The following ROBO1 variants were observed in gnomAD, a reference collection of about 807,000 sequenced individuals.
ROBO1 encodes roundabout homolog 1.
A neutral mutation model predicts 195.9 loss-of-function variants in ROBO1; 149 were observed. The observed-to-expected ratio is 0.76, with a 90% CI of 0.67 to 0.87. The LOEUF is 0.87. Ranked by LOEUF, ROBO1 falls within the 40% of genes least tolerant of loss-of-function variation. The pLI, the probability that ROBO1 is intolerant of heterozygous loss-of-function variation, is 0.00. For missense variants in ROBO1, 1,933 were observed against 2,068.3 expected (o/e 0.93, Z 1.27); for synonymous variants, 816 against 733.2 (o/e 1.11, Z -1.82).
chr3:78,655,927 T>C (rs1294549603), intron 18 of ROBO1, among the ~76,000 whole-genome samples: 1 of 152,232 alleles, frequency 6.6e-6, no homozygotes, highest in Non-Finnish European at 1.5e-5. Flanking sequence ...TATATGCTTC[T>C]TGGCATCATT....
In ROBO1 at chr3:79,466,223, G is replaced by T. The variant is rs540913499; in HGVS notation, c.88+123601C>A. 2.3e-3 allele frequency among the ~76,000 whole-genome samples: 343 copies of T among 152,136 alleles called. 2 individuals carry two copies. Among genetic ancestry groups the T allele is most frequent in the African/African-American group, 7.7e-3 (321 of 41,520 alleles). On this transcript the variant is annotated intron_variant, in intron 2 of 30. Coordinates refer to ENST00000464233, the MANE Select transcript of ROBO1 (RefSeq NM_002941.4). ...TGAAAGAATACAGACTATAATTAGTGACATTTAAAATAATGTATGGCTTCC... is the reference window on the plus strand; with the variant it reads ...TGAAAGAATACAGACTATAATTAGTTACATTTAAAATAATGTATGGCTTCC...
At chr3:79,584,610 AGTGT>A (rs143360306) in intron 2 of ROBO1, among the ~76,000 whole-genome samples, 1,365 of 131,704 alleles carry the variant, frequency 0.01, 17 homozygotes, top group African/African-American at 0.025. Flanking sequence ...TAGGTGGGTG[AGTGT>A]GTGTGTGTGT....
chr3:79,197,952 G>A (rs1576802865), intron 2 of ROBO1, among the ~76,000 whole-genome samples: 1 of 151,380 alleles, frequency 6.6e-6, no homozygotes, highest in East Asian at 1.9e-4. Flanking sequence ...TTGTCAGATG[G>A]GTAGATTGCA....
chr3:79,619,285 C>A (rs1560043672), intron 1 of ROBO1, among the ~76,000 whole-genome samples: 1 of 152,156 alleles, frequency 6.6e-6, no homozygotes, highest in Non-Finnish European at 1.5e-5. Context: ...GTGTCTCTAC[C>A]TTTCTGTTTA....
chr3:79,747,054 T>C (rs1242305699), intron 1 of ROBO1, among the ~76,000 whole-genome samples: 1 of 152,070 alleles, frequency 6.6e-6, no homozygotes, highest in Non-Finnish European at 1.5e-5. Flanking sequence ...TTCCAGCCCA[T>C]AAATCATCCA....
At chr3:79,190,781 T>A (rs1271883428) in intron 2 of ROBO1, among the ~76,000 whole-genome samples, 1 of 151,634 alleles carries the variant, frequency 6.6e-6, no homozygotes, top group African/African-American at 2.4e-5. Flanking sequence ...TAAAAAAATG[T>A]TTGTTCCACA....
At chr3:79,492,667 C>G (rs1198390676) in intron 2 of ROBO1, among the ~76,000 whole-genome samples, 1 of 151,938 alleles carries the variant, frequency 6.6e-6, no homozygotes, top group Non-Finnish European at 1.5e-5. Flanking sequence ...ATAAATTAAG[C>G]TAGATCCTAT....
At chr3:78,939,567 G>T (rs561986681) in intron 3 of ROBO1, among the ~76,000 whole-genome samples, 25 of 150,610 alleles carry the variant, frequency 1.7e-4, no homozygotes, top group Admixed American at 9.9e-4. Flanking sequence ...GCAGTGAGCC[G>T]AGATCGCGCC....
At chr3:79,127,461 T>A (rs2080237759) in intron 2 of ROBO1, among the ~76,000 whole-genome samples, 2 of 152,210 alleles carry the variant, frequency 1.3e-5, no homozygotes, top group Non-Finnish European at 2.9e-5. Context: ...TATGAATTAT[T>A]TTTTAGTAAC....
intron 8 of ROBO1, among the ~76,000 whole-genome samples, chr3:78,708,279 A>G (rs1315342901): frequency 6.6e-6 from 1 of 152,190 alleles, no homozygotes; most frequent in Non-Finnish European, 1.5e-5. Flanking sequence ...CGTTTGGAAG[A>G]GCACTCCTCA....
intron 1 of ROBO1, among the ~76,000 whole-genome samples, chr3:79,764,669 T>C (rs1293985626): frequency 6.6e-6 from 1 of 152,228 alleles, no homozygotes; most frequent in African/African-American, 2.4e-5. Flanking sequence ...GTATTAAGTA[T>C]AGATGAAGGC....
intron 8 of ROBO1, among the ~76,000 whole-genome samples, chr3:78,698,359 T>C (rs191526839): frequency 2.0e-5 from 3 of 152,310 alleles, no homozygotes; most frequent in African/African-American, 7.2e-5. Flanking sequence ...ATGATTTCTT[T>C]TGGGGGAAAA....
In ROBO1 at chr3:78,931,244, T is replaced by C. The variant is rs866576041; in HGVS notation, c.499+7357A>G. ...TTTTCTTTTCTTTCTTTCTTTTTTT[T>C]TTTTTTTTTTTTTTTGAGACAGTTT... On this transcript the variant is annotated intron_variant, in intron 4 of 30. Coordinates refer to ENST00000464233, the MANE Select transcript of ROBO1 (RefSeq NM_002941.4). Among the ~76,000 whole-genome samples the C allele has an allele frequency of 8.5e-3, 1,202 of 140,846 alleles. 12 individuals carry two copies. The highest frequency in any genetic ancestry group is 0.043 in the Middle Eastern group (12 of 276). The allele number at this position is 140,846 out of a possible 152,430, so 92.4% of individuals were successfully genotyped here.
intron 1 of ROBO1, among the ~76,000 whole-genome samples, chr3:79,745,170 T>C (rs1361883025): frequency 6.6e-6 from 1 of 152,156 alleles, no homozygotes; most frequent in Non-Finnish European, 1.5e-5. Context: ...GAAGTTCTTA[T>C]CACCACATTG....
intron 2 of ROBO1, among the ~76,000 whole-genome samples, chr3:79,547,054 G>C (rs1330868120): frequency 6.6e-6 from 1 of 151,628 alleles, no homozygotes; most frequent in African/African-American, 2.4e-5. Flanking sequence ...GCGTGGTGGC[G>C]GGTGCCTCTA....
rs1016715973 is a variant in ROBO1 at position 79,545,950 on chromosome 3, G to A, written c.88+43874C>T. On this transcript the variant is annotated intron_variant, in intron 2 of 30. Coordinates refer to ENST00000464233, the MANE Select transcript of ROBO1 (RefSeq NM_002941.4). ...AATTGCATGGGTCCACTTATTCACA[G>A]AGTTTCTTCCACCTTTGCCATCCTT... Among the ~76,000 whole-genome samples, 28 of 152,196 alleles carry A rather than the reference G, an allele frequency of 1.8e-4. 1 individual carries two copies. The East Asian group carries it at 3.9e-3, about 21-fold the overall frequency.
intron 4 of ROBO1, among the ~76,000 whole-genome samples, chr3:78,794,422 T>A (rs2084122312): frequency 6.6e-6 from 1 of 152,168 alleles, no homozygotes; most frequent in African/African-American, 2.4e-5. Flanking sequence ...CTAATAGTGG[T>A]GTATGGGACC....
At chr3:78,724,753 G>A (rs545825802) in intron 5 of ROBO1, among the ~76,000 whole-genome samples, 1 of 152,018 alleles carries the variant, frequency 6.6e-6, no homozygotes, top group Non-Finnish European at 1.5e-5. Context: ...GTAAATTTAG[G>A]GTGAGTTTAT....
chr3:79,377,566 T>G (rs1414040996), intron 2 of ROBO1, among the ~76,000 whole-genome samples: 1 of 152,224 alleles, frequency 6.6e-6, no homozygotes, highest in Non-Finnish European at 1.5e-5. Context: ...TCCACTTTAT[T>G]TCTAAATAAT....
Sources: gnomAD v4.1 joint callset for allele counts (sites outside exome capture counted in the v4.1 genomes callset) on GRCh38, gnomAD v4.1.1 for gene constraint, MANE v1.5 for transcripts, NCBI Gene and HGNC (gene_info 2026-07-23, HGNC 2026-07-21) for gene names.